The following PTPRN2 variants were observed in gnomAD, a reference collection of about 807,000 sequenced individuals.
PTPRN2 encodes the protein receptor-type tyrosine-protein phosphatase N2.
Under a neutral mutation model 118.8 loss-of-function variants are expected in PTPRN2, and 74 were observed. That is an observed-to-expected ratio of 0.62 (90% CI 0.52 to 0.76). The LOEUF (loss-of-function observed/expected upper bound fraction) is 0.76, where lower values mean the gene tolerates loss of function less well. Among genes scored for constraint, PTPRN2 ranks in the 30% least tolerant of loss-of-function variants. The pLI, the probability that PTPRN2 is intolerant of heterozygous loss-of-function variation, is 0.00. For synonymous variants in PTPRN2, 641 were observed against 608.0 expected, an observed-to-expected ratio of 1.05 and a Z score of -0.80; for missense variants, 1,481 against 1,394.4, an observed-to-expected ratio of 1.06 and a Z score of -0.99.
chr7:158,392,917 T>C (rs545883799), intron 2 of PTPRN2, among the ~76,000 whole-genome samples: 1 of 152,060 alleles, frequency 6.6e-6, no homozygotes, highest in African/African-American at 2.4e-5. Context: ...AAGAACAGGG[T>C]GATGAGAACT....
At chr7:158,264,496 C>A (rs143088134) in intron 3 of PTPRN2, among the ~76,000 whole-genome samples, 3 of 152,188 alleles carry the variant, frequency 2.0e-5, no homozygotes, top group Non-Finnish European at 2.9e-5. Flanking sequence ...CCTGTCCATA[C>A]GACAGATCGC....
In PTPRN2 at chr7:157,607,391, T is replaced by TA. The variant is rs955697933; in HGVS notation, c.2345-3317dup. 7.2e-4 allele frequency among the ~76,000 whole-genome samples: 110 copies of TA among 152,346 alleles called. 2 individuals are homozygous for TA. Among genetic ancestry groups the TA allele is most frequent in the Admixed American group, 5.4e-3 (82 of 15,310 alleles). ...GCTTCTGGCTGCTTCCAGGGGCCTC[T>TA]AGGGCCCTGCCTCATTTTCAGCACA... On this transcript the variant is annotated intron_variant, in intron 15 of 22. Coordinates refer to ENST00000389418, the MANE Select transcript of PTPRN2 (RefSeq NM_002847.5).
At chr7:158,559,507 C>T (rs946358435) in intron 1 of PTPRN2, among the ~76,000 whole-genome samples, 1 of 152,172 alleles carries the variant, frequency 6.6e-6, no homozygotes, top group African/African-American at 2.4e-5. Flanking sequence ...ATGCAAATAA[C>T]GACTGTCCCA....
rs13308428 is a variant in PTPRN2 at position 157,725,336 on chromosome 7, G to A, written c.1789-42399C>T. Among the ~76,000 whole-genome samples the A allele has an allele frequency of 5.0e-5, 4 of 79,824 alleles. No homozygotes were observed. In the Admixed American group the frequency reaches 5.3e-4, roughly 11 times the overall value. The allele number at this position is 79,824 out of a possible 152,430, so 52.4% of individuals were successfully genotyped here. Reference sequence around the variant, plus strand: ...GTGGCCAGACCCTCGCCTCCCAGGAGAACTGGATATCTACACACAGAGGAG... The same window carrying A: ...GTGGCCAGACCCTCGCCTCCCAGGAAAACTGGATATCTACACACAGAGGAG... On this transcript the variant is annotated intron_variant, in intron 12 of 22. Transcript: ENST00000389418.
intron 12 of PTPRN2, among the ~76,000 whole-genome samples, chr7:157,700,659 G>A (rs1368481689): frequency 6.6e-6 from 1 of 152,172 alleles, no homozygotes; most frequent in African/African-American, 2.4e-5. Context: ...CACTGGAACA[G>A]CTTCCTGTCC....
intron 21 of PTPRN2, among the ~76,000 whole-genome samples, chr7:157,566,651 T>C (rs1196985687): frequency 2.0e-5 from 3 of 152,234 alleles, no homozygotes; most frequent in Admixed American, 6.5e-5. Flanking sequence ...TGCATGCGTA[T>C]TGTCCAAAGC....
Position 157,903,626 on chromosome 7 carries a change from G to A in PTPRN2, c.1724-4889C>T, listed in dbSNP as rs1212279647. On this transcript the variant is annotated intron_variant, in intron 11 of 22. Coordinates refer to ENST00000389418, the MANE Select transcript of PTPRN2 (RefSeq NM_002847.5). This position sits in a 1 kb window ranked among gnomAD's most constrained non-coding sequence, Gnocchi z 4.2. ...CGATTGAAGCAAACAACCTGAATTA[G>A]TGTTTGGTTTTTTCTTTTTCCTTTT... Among the ~76,000 whole-genome samples the A allele has an allele frequency of 6.7e-6, 1 of 150,014 alleles. No homozygotes were observed. Among genetic ancestry groups the A allele is most frequent in the African/African-American group, 2.5e-5 (1 of 40,534 alleles).
chr7:157,941,106 T>A (rs1462053491), intron 11 of PTPRN2, among the ~76,000 whole-genome samples: 1 of 78,506 alleles, frequency 1.3e-5, no homozygotes. Context: ...ACTGCAAATC[T>A]AACACCCTCC....
At chr7:158,136,534 G>T (rs1467997964) in intron 8 of PTPRN2, 121 bp downstream of exon 8, 21 of 846,978 alleles carry the variant, frequency 2.5e-5, no homozygotes, top group Non-Finnish European at 3.8e-6. Flanking sequence ...ATTATGAGGG[G>T]TTTCTCCATA....
At chr7:158,276,491 G>A (rs905911503) in intron 3 of PTPRN2, among the ~76,000 whole-genome samples, 40 of 111,060 alleles carry the variant, frequency 3.6e-4, no homozygotes, top group African/African-American at 1.4e-3. Flanking sequence ...CCCCGGCCCC[G>A]ACAGGCTGTA....
intron 5 of PTPRN2, among the ~76,000 whole-genome samples, chr7:158,174,490 T>G (rs2335834): frequency 0.35 from 52,547 of 151,248 alleles, 10,407 homozygotes; most frequent in Middle Eastern, 0.5. Context: ...ATCATCATCA[T>G]CAGCAGCAGC....
Position 158,003,306 on chromosome 7 carries a change from T to C in PTPRN2, c.1723+77992A>G, listed in dbSNP as rs543276635. On this transcript the variant is annotated intron_variant, in intron 11 of 22. Coordinates refer to ENST00000389418, the MANE Select transcript of PTPRN2 (RefSeq NM_002847.5). This position sits in a 1 kb window ranked among gnomAD's most constrained non-coding sequence, Gnocchi z 5.0. ...GCGGGCGCCTGTAGTCCCAGCTACTTGGGAGGCTGAGGCAGGAGAATGGCA... is the reference window on the plus strand; with the variant it reads ...GCGGGCGCCTGTAGTCCCAGCTACTCGGGAGGCTGAGGCAGGAGAATGGCA... 1.7e-4 allele frequency among the ~76,000 whole-genome samples: 25 copies of C among 147,876 alleles called. 1 individual carries two copies. In the East Asian group the frequency reaches 4.0e-3, roughly 24 times the overall value.
chr7:158,313,933 G>GT (rs1802081890), intron 3 of PTPRN2, among the ~76,000 whole-genome samples: 1 of 151,960 alleles, frequency 6.6e-6, no homozygotes, highest in African/African-American at 2.4e-5. Context: ...AAATTTCTTG[G>GT]TTTTTTTCTA....
chr7:158,094,338 C>T (rs1338110216), intron 10 of PTPRN2, among the ~76,000 whole-genome samples: 1 of 152,120 alleles, frequency 6.6e-6, no homozygotes, highest in Non-Finnish European at 1.5e-5. Context: ...CAGACGGAGT[C>T]TCGCACTGTC....
At chr7:158,383,142 A>G (rs1811089165) in intron 2 of PTPRN2, among the ~76,000 whole-genome samples, 1 of 152,052 alleles carries the variant, frequency 6.6e-6, no homozygotes, top group African/African-American at 2.4e-5. Context: ...CTGAAGACCC[A>G]CCTCCTGAGC....
rs73169783 is a variant in PTPRN2 at position 158,022,146 on chromosome 7, C to A, written c.1723+59152G>T. 0.048 allele frequency among the ~76,000 whole-genome samples: 7,340 copies of A among 152,296 alleles called. 239 individuals are homozygous for A. Among genetic ancestry groups the A allele is most frequent in the Admixed American group, 0.087 (1,326 of 15,302 alleles). On this transcript the variant is annotated intron_variant, in intron 11 of 22. Transcript: ENST00000389418. The surrounding 1 kb of genome is among the most constrained non-coding windows in gnomAD (Gnocchi z 4.6). ...TTTTCCCAGCCAAGTGCATCCTCTG[C>A]TTGTCAGCAGCTTCCACAGACATGG... is the stretch of plus-strand genomic sequence containing the variant.
chr7:158,288,365 T>A (rs1799893314), intron 3 of PTPRN2, among the ~76,000 whole-genome samples: 1 of 152,166 alleles, frequency 6.6e-6, no homozygotes, highest in South Asian at 2.1e-4. Context: ...CCTTTTTCCT[T>A]TCATCCTCTG....
chr7:158,057,215 A>G (rs1354149669), intron 11 of PTPRN2, among the ~76,000 whole-genome samples: 4 of 152,096 alleles, frequency 2.6e-5, no homozygotes, highest in Non-Finnish European at 5.9e-5. Context: ...GCTTTTTCCT[A>G]TTGACACCTG....
chr7:158,358,950 G>A (rs1046729254), intron 2 of PTPRN2, among the ~76,000 whole-genome samples: 3 of 152,210 alleles, frequency 2.0e-5, no homozygotes, highest in Non-Finnish European at 4.4e-5. Flanking sequence ...ATAAGTTACT[G>A]AAAGTCTTTA....
Sources: gnomAD v4.1 joint callset for allele counts (sites outside exome capture counted in the v4.1 genomes callset) on GRCh38, gnomAD v4.1.1 for gene constraint, Gnocchi (gnomAD v3.1) non-coding constraint, MANE v1.5 for transcripts, NCBI Gene and HGNC (gene_info 2026-07-23, HGNC 2026-07-21) for gene names.